Variants in KTN1 observed in about 807,000 individuals in gnomAD.
KTN1 encodes the protein kinectin.
A neutral mutation model predicts 222.5 loss-of-function variants in KTN1; 130 were observed. The ratio of observed to expected loss-of-function variants is 0.58; its 90% CI spans 0.51 to 0.68. KTN1 has a LOEUF of 0.68. Among genes scored for constraint, KTN1 ranks in the 30% least tolerant of loss-of-function variants. KTN1 has a pLI of 0.00. For synonymous variants in KTN1, 512 were observed against 496.3 expected (o/e 1.03, Z -0.42); for missense variants, 1,508 against 1,500.4 (o/e 1.01, Z -0.08).
intron 18 of KTN1, among the ~76,000 whole-genome samples, chr14:55,644,850 A>G (rs17128655): frequency 0.28 from 42,357 of 151,952 alleles, 5,919 homozygotes; most frequent in East Asian, 0.37. Context: ...AACTAAGCTG[A>G]GTCAGGTTTA....
intron 1 of KTN1, among the ~76,000 whole-genome samples, chr14:55,608,016 A>G (rs949321907): frequency 2.0e-5 from 3 of 152,222 alleles, no homozygotes; most frequent in East Asian, 1.9e-4. Flanking sequence ...ACATGTCTCC[A>G]TGTTTTTCAA....
intron 1 of KTN1, among the ~76,000 whole-genome samples, chr14:55,583,205 T>G (rs1289446771): frequency 6.6e-6 from 1 of 152,182 alleles, no homozygotes; most frequent in Non-Finnish European, 1.5e-5. Context: ...AATGACAGTT[T>G]ACAACTGTGT....
intron 1 of KTN1, among the ~76,000 whole-genome samples, chr14:55,610,668 T>C (rs1291697866): frequency 6.6e-6 from 1 of 152,248 alleles, no homozygotes; most frequent in African/African-American, 2.4e-5. Context: ...TGTTTAATTA[T>C]ATCTGTATTA....
At chr14:55,666,341 T>A (rs892845117) in intron 33 of KTN1, among the ~76,000 whole-genome samples, 1 of 151,948 alleles carries the variant, frequency 6.6e-6, no homozygotes, top group Non-Finnish European at 1.5e-5. Flanking sequence ...GCTTGCCTTC[T>A]TGTCACCTGT....
intron 2 of KTN1, among the ~76,000 whole-genome samples, chr14:55,615,892 T>TTCTCTCTCTCTTTCTTTCTCTC (rs1555365256): frequency 1.9e-4 from 29 of 150,578 alleles, no homozygotes; most frequent in African/African-American, 5.9e-4. Context: ...CTTTCTCTCT[T>TTCTCTCTCTCTTTCTTTCTCTC]TCTCTCTCTC....
intron 37 of KTN1, chr14:55,672,401 AAATT>A (rs1395394663): frequency 5.0e-6 from 2 of 397,232 alleles, no homozygotes; most frequent in Non-Finnish European, 9.0e-6. Flanking sequence ...TACTAATAAA[AAATT>A]AATCACTTTT....
intron 2 of KTN1, among the ~76,000 whole-genome samples, chr14:55,612,832 C>T (rs1167407327): frequency 1.3e-5 from 2 of 151,842 alleles, no homozygotes; most frequent in East Asian, 3.9e-4. Flanking sequence ...GTGGGAGGAC[C>T]CCTTGAGCCC....
rs147112177 is a variant in KTN1 at position 55,652,610 on chromosome 14, A to G, written c.2604-240A>G. On this transcript the variant is annotated intron_variant, in intron 25 of 43. Transcript: ENST00000395314. ...GAGACGGGGTTTCACCGTGTTAGCC[A>G]GGATGGTCTTGATCTCCTGACCTTG... Among the ~76,000 whole-genome samples the G allele has an allele frequency of 8.2e-3, 1,251 of 152,222 alleles. 12 individuals carry two copies. The highest frequency in any genetic ancestry group is 0.029 in the African/African-American group (1,196 of 41,558).
Position 55,641,699 on chromosome 14 carries a change from A to G in KTN1, c.2111A>G (p.Asn704Ser), listed in dbSNP as rs1212708007. 6.3e-7 allele frequency: 1 copy of G among 1,593,330 alleles called. No homozygotes were observed. The highest frequency in any genetic ancestry group is 1.3e-5 in the African/African-American group (1 of 74,578). ...SNKMEEFKIL[N>S]DQNKALKSEV... Reference sequence around the variant, plus strand: ...TGAGACTCTTTCTTCCAGATTCTAAATGACCAAAACAAAGCATTAAAATCA... The same window carrying G: ...TGAGACTCTTTCTTCCAGATTCTAAGTGACCAAAACAAAGCATTAAAATCA... The change falls in exon 18 of 44, where the codon AAT becomes AGT. Residue 704 changes from asparagine to serine, a missense_variant. By Grantham distance (46) the Asn-to-Ser change is conservative (BLOSUM62 1). Coordinates refer to ENST00000395314, the MANE Select transcript of KTN1 (RefSeq NM_001079521.2).
intron 2 of KTN1, among the ~76,000 whole-genome samples, chr14:55,614,934 G>A (rs1394092994): frequency 2.6e-5 from 4 of 152,204 alleles, no homozygotes; most frequent in African/African-American, 9.6e-5. Flanking sequence ...TCTACGTAGA[G>A]CAACTCAGGA....
intron 1 of KTN1, among the ~76,000 whole-genome samples, chr14:55,592,617 G>A (rs934711148): frequency 6.6e-6 from 1 of 152,138 alleles, no homozygotes; most frequent in Non-Finnish European, 1.5e-5. Flanking sequence ...ATGTAGGAGT[G>A]TTTTGAAAAA....
intron 18 of KTN1, among the ~76,000 whole-genome samples, 200 bp downstream of exon 18, chr14:55,641,960 G>A (rs2041852308): frequency 6.6e-6 from 1 of 152,078 alleles, no homozygotes. Flanking sequence ...CTGCTCAAAA[G>A]CACATTCCAG....
Position 55,580,213 on chromosome 14 carries a change from G to T in KTN1, c.-172G>T, listed in dbSNP as rs2030960424. On this transcript the variant is annotated 5_prime_UTR_variant, in exon 1 of 44. Coordinates refer to ENST00000395314, the MANE Select transcript of KTN1 (RefSeq NM_001079521.2). The stretch of plus-strand genomic sequence containing the variant: ...GTCCGCCCCGCCCCGCCCCGAAGCC[G>T]CCCGTTTCCTGCCGAGCGGCGCGAC... The T allele has an allele frequency of 6.6e-6, 1 of 152,596 alleles. No homozygotes were observed. The highest frequency in any genetic ancestry group is 1.9e-4 in the South Asian group (1 of 5,274). 9.5% of individuals were successfully genotyped at this position (152,596 alleles called of 1,614,324 possible).
At chr14:55,605,328 G>T (rs2036570398) in intron 1 of KTN1, among the ~76,000 whole-genome samples, 1 of 152,170 alleles carries the variant, frequency 6.6e-6, no homozygotes, top group South Asian at 2.1e-4. Flanking sequence ...CCAGGCTGGA[G>T]TGCAGTTGGA....
intron 1 of KTN1, among the ~76,000 whole-genome samples, chr14:55,585,661 T>C (rs144762377): frequency 6.6e-6 from 1 of 152,360 alleles, no homozygotes; most frequent in East Asian, 1.9e-4. Flanking sequence ...GTCATTTTTA[T>C]AGAAATAACA....
chr14:55,626,793 T>C (rs1030967029), intron 5 of KTN1, among the ~76,000 whole-genome samples: 3 of 152,218 alleles, frequency 2.0e-5, no homozygotes, highest in South Asian at 2.1e-4. Context: ...AGAGAATCTT[T>C]TGACTGCCTC....
chr14:55,617,825 C>T (rs913341587), intron 3 of KTN1, 139 bp from the exon 4 acceptor site: 54 of 602,966 alleles, frequency 9.0e-5, no homozygotes, highest in South Asian at 5.7e-4. Context: ...TGTTAAATGA[C>T]GAAATAGGAA....
chr14:55,590,679 C>CT lies in KTN1; in HGVS notation c.-31+10339dup, dbSNP rs1199051378. Reference sequence around the variant, plus strand: ...CCCTCAACCTTGTTATCAGGATATTCTTTTTTTTTTTTTTGAGATGGAGTC... The same window carrying CT: ...CCCTCAACCTTGTTATCAGGATATTCTTTTTTTTTTTTTTTGAGATGGAGTC... On this transcript the variant is annotated intron_variant, in intron 1 of 43. Coordinates refer to ENST00000395314, the MANE Select transcript of KTN1 (RefSeq NM_001079521.2). Among the ~76,000 whole-genome samples, 1,179 of 141,566 alleles carry CT rather than the reference C, an allele frequency of 8.3e-3. 10 individuals carry two copies. Among genetic ancestry groups the CT allele is most frequent in the African/African-American group, 0.026 (998 of 38,808 alleles). 92.9% of individuals were successfully genotyped at this position (141,566 alleles called of 152,430 possible).
At chr14:55,598,944 T>C (rs2035517463) in intron 1 of KTN1, among the ~76,000 whole-genome samples, 1 of 152,216 alleles carries the variant, frequency 6.6e-6, no homozygotes, top group Non-Finnish European at 1.5e-5. Flanking sequence ...TGAATTCCCA[T>C]TGGATTTATT....
Sources: gnomAD v4.1 joint callset for allele counts (sites outside exome capture counted in the v4.1 genomes callset) on GRCh38, gnomAD v4.1.1 for gene constraint, MANE v1.5 for transcripts, NCBI Gene and HGNC (gene_info 2026-07-23, HGNC 2026-07-21) for gene names.